Variants in C3orf22 observed in about 807,000 individuals in gnomAD.
C3orf22 encodes the protein uncharacterized protein C3orf22.
A neutral mutation model predicts 10.8 loss-of-function variants in C3orf22; 7 were observed. The observed-to-expected ratio is 0.65, with a 90% CI of 0.37 to 1.22. The LOEUF (loss-of-function observed/expected upper bound fraction) is 1.22, where lower values mean the gene tolerates loss of function less well. C3orf22 is among the 50% of genes most tolerant of loss of function. The pLI is 0.02. For synonymous variants in C3orf22, 79 were observed against 78.9 expected (o/e 1.00, Z 0.00); for missense variants, 173 against 177.0 (o/e 0.98, Z 0.13).
intron 4 of C3orf22, among the ~76,000 whole-genome samples, chr3:126,535,961 T>C (rs1468191184): frequency 3.3e-5 from 5 of 152,238 alleles, no homozygotes; most frequent in African/African-American, 1.2e-4. Flanking sequence ...TTGGGTGATC[T>C]GGCCTTTCCT....
At chr3:126,531,215 A>G (rs1936653028) in intron 4 of C3orf22, among the ~76,000 whole-genome samples, 1 of 152,124 alleles carries the variant, frequency 6.6e-6, no homozygotes, top group Admixed American at 6.5e-5. Flanking sequence ...CCCCCAACCT[A>G]CTGGACCAGA....
chr3:126,536,923 A>C (rs552502988), intron 4 of C3orf22, among the ~76,000 whole-genome samples: 2,759 of 141,546 alleles, frequency 0.019, 35 homozygotes, highest in African/African-American at 0.035. Context: ...ACACACACAC[A>C]CCCCACACAC....
At chr3:126,537,123 T>C (rs1936813110) in intron 4 of C3orf22, among the ~76,000 whole-genome samples, 1 of 152,076 alleles carries the variant, frequency 6.6e-6, no homozygotes, top group Non-Finnish European at 1.5e-5. Context: ...AAGGGGAGTA[T>C]GAGGTGCAAC....
intron 4 of C3orf22, chr3:126,536,267 A>G: frequency 1.2e-6 from 2 of 1,613,282 alleles, no homozygotes; most frequent in Non-Finnish European, 1.7e-6. Context: ...CCTTATGCCC[A>G]CAGCATTTGG....
At chr3:126,549,055 G>A (rs1937118149), downstream of C3orf22, among the ~76,000 whole-genome samples, 1 of 152,164 alleles carries the variant, frequency 6.6e-6, no homozygotes, top group Admixed American at 6.5e-5. Context: ...CAGTGCTGCT[G>A]TCTTGCTTTA....
At chr3:126,532,265 T>C (rs750821783) in intron 4 of C3orf22, among the ~76,000 whole-genome samples, 1 of 152,258 alleles carries the variant, frequency 6.6e-6, no homozygotes, top group Non-Finnish European at 1.5e-5. Flanking sequence ...TTTTTTAATA[T>C]TGATGTAGTT....
rs144744199 is a variant in C3orf22 at position 126,552,100 on chromosome 3, C to A, written c.112G>T (p.Asp38Tyr). 3 of 1,613,710 alleles carry A rather than the reference C, an allele frequency of 1.9e-6. No homozygotes were observed. Among genetic ancestry groups the A allele is most frequent in the Non-Finnish European group, 2.5e-6 (3 of 1,179,952 alleles). The change falls in exon 3 of 4, where the codon GAC becomes TAC. Residue 38 changes from aspartate (D) to tyrosine (Y), a missense_variant. Transcript: ENST00000318225. The stretch of plus-strand genomic sequence containing the variant: ...TCCCAGGGCTGCAGGGGCTCAGGGT[C>A]GGGCTCTGTCAGCCACGACAACCTG... Reference protein sequence around the residue: ...PYRLSWLTEPDPEPLQPWEVT... With the variant: ...PYRLSWLTEPYPEPLQPWEVT...
At position 126,552,712 on chromosome 3, in the gene C3orf22, TG is replaced by T. The variant is rs907369362; in HGVS notation, c.89+589del. Among the ~76,000 whole-genome samples the T allele has an allele frequency of 3.3e-5, 5 of 151,920 alleles. No homozygotes were observed. The East Asian group carries it at 7.7e-4, about 24-fold the overall frequency. On this transcript the variant is annotated intron_variant, in intron 2 of 3. Transcript: ENST00000318225. ...GGGCGCACAACACTTGCTTCTGGGG[TG>T]GGGGGTGAGCATGGAGTGGGAAGCT... is the stretch of plus-strand genomic sequence containing the variant.
intron 4 of C3orf22, chr3:126,542,435 CG>C: frequency 6.4e-7 from 1 of 1,558,450 alleles, no homozygotes; most frequent in Non-Finnish European, 8.7e-7. Flanking sequence ...GCCGCGGCCC[CG>C]GGGAGCCGCC....
intron 4 of C3orf22, among the ~76,000 whole-genome samples, chr3:126,530,163 A>G (rs960506802): frequency 1.3e-5 from 2 of 152,178 alleles, no homozygotes; most frequent in Non-Finnish European, 2.9e-5. Flanking sequence ...GCCCGTCTGC[A>G]GGGCCCAGGC....
At chr3:126,535,210 GT>G (rs1191656939) in intron 4 of C3orf22, among the ~76,000 whole-genome samples, 7 of 148,856 alleles carry the variant, frequency 4.7e-5, no homozygotes, top group African/African-American at 1.7e-4. Context: ...CAGCATCGCT[GT>G]CCCCAGCCGG....
At chr3:126,542,570 C>G in intron 4 of C3orf22, 1 of 1,492,242 alleles carries the variant, frequency 6.7e-7, no homozygotes, top group East Asian at 2.6e-5. Context: ...CTACCTGCGG[C>G]TGCTCTAGCG....
intron 4 of C3orf22, chr3:126,541,859 G>T (rs920509443): frequency 2.5e-5 from 39 of 1,590,062 alleles, no homozygotes; most frequent in Non-Finnish European, 3.3e-5. Flanking sequence ...GCTGGTGGAC[G>T]ACGCGCATGG....
Position 126,556,955 on chromosome 3 carries a change from C to T in C3orf22, c.-41+1672G>A, listed in dbSNP as rs371434841. Among the ~76,000 whole-genome samples, 495 of 151,836 alleles carry T rather than the reference C, an allele frequency of 3.3e-3. 5 individuals are homozygous for T. The highest frequency in any genetic ancestry group is 0.011 in the African/African-American group (469 of 41,438). The stretch of plus-strand genomic sequence containing the variant: ...ATACACACTCACACACTCATACACA[C>T]AGACACACATAGATTCACATACACA... On this transcript the variant is annotated intron_variant, in intron 1 of 3. Coordinates refer to ENST00000318225, the MANE Select transcript of C3orf22 (RefSeq NM_152533.3).
intron 2 of C3orf22, among the ~76,000 whole-genome samples, chr3:126,552,451 G>A (rs1937214857): frequency 6.6e-6 from 1 of 152,174 alleles, no homozygotes; most frequent in Non-Finnish European, 1.5e-5. Context: ...AGGCCACTCT[G>A]TGTGGTGTGT....
chr3:126,542,509 C>T (rs756306340), intron 4 of C3orf22: 1 of 1,568,822 alleles, frequency 6.4e-7, no homozygotes, highest in South Asian at 1.2e-5. Flanking sequence ...AGCGGCGCCT[C>T]TTCGACCTCT....
At chr3:126,546,682 T>C (rs1312145987), downstream of C3orf22, among the ~76,000 whole-genome samples, 1 of 152,012 alleles carries the variant, frequency 6.6e-6, no homozygotes, top group Non-Finnish European at 1.5e-5. Context: ...CCAGCCTTCC[T>C]TGGAACTGGG....
At chr3:126,539,407 T>C (rs1243351278) in intron 4 of C3orf22, among the ~76,000 whole-genome samples, 1 of 151,926 alleles carries the variant, frequency 6.6e-6, no homozygotes, top group Non-Finnish European at 1.5e-5. Context: ...ATCAGGAGCA[T>C]AGTGTGCACA....
intron 4 of C3orf22, chr3:126,542,164 C>T (rs746774935): frequency 3.6e-5 from 53 of 1,491,872 alleles, no homozygotes; most frequent in Non-Finnish European, 4.6e-5. Context: ...GTGCACGCAT[C>T]GTTCAGCGCC....
Sources: gnomAD v4.1 joint callset for allele counts (sites outside exome capture counted in the v4.1 genomes callset) on GRCh38, gnomAD v4.1.1 for gene constraint, MANE v1.5 for transcripts, NCBI Gene and HGNC (gene_info 2026-07-23, HGNC 2026-07-21) for gene names.